INPP5D: variants seen among roughly 807,000 people sequenced by gnomAD.
INPP5D encodes the protein inositol polyphosphate-5-phosphatase D.
A neutral mutation model predicts 122.9 loss-of-function variants in INPP5D; 33 were observed. That is an observed-to-expected ratio of 0.27 (90% CI 0.20 to 0.36). INPP5D has a LOEUF of 0.36. Ranked by LOEUF, INPP5D falls within the 10% of genes least tolerant of loss-of-function variation. The probability of loss-of-function intolerance (pLI) is 1.00; values close to 1 mark genes in which losing one functional copy is unlikely to be tolerated. For missense variants in INPP5D, 1,053 were observed against 1,412.7 expected (o/e 0.75, Z 4.08); for synonymous variants, 584 against 576.2 (o/e 1.01, Z -0.19).
rs1341748877 is a variant in INPP5D, at chr2:233,183,792, A to G, written c.2162-616A>G. Reference sequence around the variant, plus strand: ...AAGGAAGGATGTGAGGGATGGAGGAAGGAAAGGTTTGTTCATGGTCTCCGA... The same window carrying G: ...AAGGAAGGATGTGAGGGATGGAGGAGGGAAAGGTTTGTTCATGGTCTCCGA... On this transcript the variant is annotated intron_variant, in intron 19 of 26. Coordinates refer to ENST00000445964, the MANE Select transcript of INPP5D (RefSeq NM_001017915.3). This position sits in a 1 kb window ranked among gnomAD's most constrained non-coding sequence, Gnocchi z 4.6. Among the ~76,000 whole-genome samples the G allele has an allele frequency of 6.6e-6, 1 of 152,242 alleles. No individual in the cohort carries two copies. The highest frequency in any genetic ancestry group is 1.5e-5 in the Non-Finnish European group (1 of 68,036).
chr2:233,112,539 G>A (rs1300071576), intron 2 of INPP5D, among the ~76,000 whole-genome samples: 2 of 152,194 alleles, frequency 1.3e-5, no homozygotes, highest in Admixed American at 1.3e-4. Flanking sequence ...CTTTCATGGA[G>A]GATGACATTT....
intron 1 of INPP5D, among the ~76,000 whole-genome samples, chr2:233,063,524 A>T (rs1691130823): frequency 6.6e-6 from 1 of 152,256 alleles, no homozygotes; most frequent in African/African-American, 2.4e-5. Flanking sequence ...CGGGGGTTGG[A>T]CATCAAAAGA....
At chr2:233,139,197 A>G (rs1693580895) in intron 5 of INPP5D, among the ~76,000 whole-genome samples, 2 of 152,358 alleles carry the variant, frequency 1.3e-5, no homozygotes, top group East Asian at 1.9e-4. Context: ...TGATGAAACA[A>G]TAAGTGAAAA....
intron 1 of INPP5D, among the ~76,000 whole-genome samples, chr2:233,073,226 C>T (rs1174861679): frequency 5.3e-5 from 8 of 152,288 alleles, no homozygotes; most frequent in South Asian, 2.1e-4. Context: ...CCAGCTCACT[C>T]GCATTTGTTT....
chr2:233,190,241 A>G (rs542326007), intron 22 of INPP5D, among the ~76,000 whole-genome samples: 1 of 152,264 alleles, frequency 6.6e-6, no homozygotes, highest in Admixed American at 6.5e-5. Flanking sequence ...CTGTTCTCCA[A>G]TGAGTAAACA....
intron 1 of INPP5D, among the ~76,000 whole-genome samples, chr2:233,064,440 T>C (rs1460078478): frequency 6.6e-6 from 1 of 152,234 alleles, no homozygotes; most frequent in African/African-American, 2.4e-5. Context: ...CAGACCTGGC[T>C]TCACCAGCAG....
intron 1 of INPP5D, among the ~76,000 whole-genome samples, chr2:233,077,040 C>T (rs1043205796): frequency 6.6e-6 from 1 of 152,156 alleles, no homozygotes; most frequent in Non-Finnish European, 1.5e-5. Flanking sequence ...CACTAATAAA[C>T]GTCAACACGT....
intron 1 of INPP5D, 134 bp downstream of exon 1, chr2:233,060,746 T>A: frequency 1.6e-6 from 2 of 1,252,304 alleles, no homozygotes; most frequent in Non-Finnish European, 2.2e-6. Flanking sequence ...CACCCTGTCA[T>A]GGACCTTGTC....
At chr2:233,106,830 C>T (rs771278799) in intron 2 of INPP5D, among the ~76,000 whole-genome samples, 3 of 152,228 alleles carry the variant, frequency 2.0e-5, no homozygotes, top group Non-Finnish European at 4.4e-5. Flanking sequence ...ACCCAGAGCA[C>T]CTGCTGATGG....
rs186739857 is a variant in INPP5D at position 233,125,964 on chromosome 2, C to A, written c.524+45C>A. On this transcript the variant is annotated intron_variant, in intron 4 of 26. Transcript: ENST00000445964. Reference sequence around the variant, plus strand: ...CAGCTGGGCCTTCATCTGCAGTGAGCCCAGCCAGGGCAGGGCTGGATGGCT... The same window carrying A: ...CAGCTGGGCCTTCATCTGCAGTGAGACCAGCCAGGGCAGGGCTGGATGGCT... 5 of 1,584,726 alleles carry A rather than the reference C, an allele frequency of 3.2e-6. No individual in the cohort carries two copies. The Admixed American group carries it at 7.0e-5, about 22-fold the overall frequency.
At chr2:233,090,454 C>A (rs376000203) in intron 2 of INPP5D, among the ~76,000 whole-genome samples, 3 of 152,170 alleles carry the variant, frequency 2.0e-5, no homozygotes, top group Non-Finnish European at 2.9e-5. Flanking sequence ...ATCTCCCCCC[C>A]ATATTTATGC....
At chr2:233,133,604 C>A (rs1693390125) in intron 5 of INPP5D, among the ~76,000 whole-genome samples, 1 of 152,190 alleles carries the variant, frequency 6.6e-6, no homozygotes, top group Admixed American at 6.5e-5. Flanking sequence ...TTGGGATATA[C>A]TCATGCTAAT....
At chr2:233,118,928 C>T (rs1692884746) in intron 2 of INPP5D, among the ~76,000 whole-genome samples, 1 of 152,266 alleles carries the variant, frequency 6.6e-6, no homozygotes, top group Non-Finnish European at 1.5e-5. Context: ...GGCTCCCTGG[C>T]CTCTGGGAGC....
chr2:233,159,482 G>A (rs1454468022), intron 10 of INPP5D, among the ~76,000 whole-genome samples: 8 of 151,004 alleles, frequency 5.3e-5, no homozygotes, highest in African/African-American at 1.9e-4. Context: ...ACGGTTGCCC[G>A]AGACCAAGAG....
chr2:233,193,912 G>A lies in INPP5D; in HGVS notation c.2547G>A (p.Gly849=). The change falls in exon 23 of 27, where the codon GGG becomes GGA. Residue 849 remains glycine (G), a synonymous_variant. Coordinates refer to ENST00000445964, the MANE Select transcript of INPP5D (RefSeq NM_001017915.3). ...HHGELTGHFQ[G]EIKLQTSQGK... Reference sequence around the variant, plus strand: ...GGGAGTTGACAGGCCACTTCCAGGGGGAGATCAAGCTGCAGACCTCTCAGG... The same window carrying A: ...GGGAGTTGACAGGCCACTTCCAGGGAGAGATCAAGCTGCAGACCTCTCAGG... 6.2e-7 allele frequency: 1 copy of A among 1,613,700 alleles called. No individual in the cohort carries two copies. The highest frequency in any genetic ancestry group is 8.5e-7 in the Non-Finnish European group (1 of 1,179,678).
rs1046696452 is a variant in INPP5D, at chr2:233,162,031, G to A, written c.1240+205G>A. On this transcript the variant is annotated intron_variant, in intron 11 of 26. Coordinates refer to ENST00000445964, the MANE Select transcript of INPP5D (RefSeq NM_001017915.3). ...CTGAGATGATGGGTAAGAAAAACGA[G>A]CTTTGGGACTATCGTACCCCAAGAG... is the stretch of plus-strand genomic sequence containing the variant. 2.9e-4 allele frequency among the ~76,000 whole-genome samples: 44 copies of A among 152,148 alleles called. 1 individual carries two copies. Among genetic ancestry groups the A allele is most frequent in the Non-Finnish European group, 7.3e-5 (5 of 68,030 alleles).
At position 233,182,403 on chromosome 2, in the gene INPP5D, C is replaced by A. The variant is rs771845333; in HGVS notation, c.2072-7C>A. The A allele has an allele frequency of 1.2e-6, 2 of 1,613,516 alleles. No homozygotes were observed. Among genetic ancestry groups the A allele is most frequent in the South Asian group, 1.1e-5 (1 of 91,062 alleles). On this transcript the variant is annotated splice_region_variant and splice_polypyrimidine_tract_variant and intron_variant, in intron 18 of 26. Coordinates refer to ENST00000445964, the MANE Select transcript of INPP5D (RefSeq NM_001017915.3). The stretch of plus-strand genomic sequence containing the variant: ...CCCTGCTTAAAAATGCCTTCCCTCC[C>A]CTGCAGGCAGTACCAGCGACATCAT...
Position 233,207,283 on chromosome 2 carries a change from G to C in INPP5D, c.*575G>C, listed in dbSNP as rs1436346729. On this transcript the variant is annotated 3_prime_UTR_variant, in exon 27 of 27. Coordinates refer to ENST00000445964, the MANE Select transcript of INPP5D (RefSeq NM_001017915.3). This position sits in a 1 kb window ranked among gnomAD's most constrained non-coding sequence, Gnocchi z 4.6. Reference sequence around the variant, plus strand: ...TGAGACAAGGGCTCGGCCTTAAGGAGCTGAAGAGTCTGGGTAGCTTGTTTA... The same window carrying C: ...TGAGACAAGGGCTCGGCCTTAAGGACCTGAAGAGTCTGGGTAGCTTGTTTA... The C allele has an allele frequency of 6.5e-6, 1 of 152,976 alleles. No homozygotes were observed. Among genetic ancestry groups the C allele is most frequent in the Non-Finnish European group, 1.5e-5 (1 of 68,210 alleles). 9.5% of individuals were successfully genotyped at this position (152,976 alleles called of 1,614,324 possible).
chr2:233,133,189 C>T (rs11681000), intron 5 of INPP5D, among the ~76,000 whole-genome samples: 71,797 of 152,002 alleles, frequency 0.47, 17,400 homozygotes, highest in African/African-American at 0.55. Flanking sequence ...TTCCTCGGCC[C>T]CCCAAAGTGC....
Sources: gnomAD v4.1 joint callset for allele counts (sites outside exome capture counted in the v4.1 genomes callset) on GRCh38, gnomAD v4.1.1 for gene constraint, Gnocchi (gnomAD v3.1) non-coding constraint, MANE v1.5 for transcripts, NCBI Gene and HGNC (gene_info 2026-07-23, HGNC 2026-07-21) for gene names.